JAKMIP2: variants seen among roughly 807,000 people sequenced by gnomAD.
JAKMIP2 encodes the protein janus kinase and microtubule interacting protein 2, also known as janus kinase and microtubule-interacting protein 2.
A neutral mutation model predicts 115.0 loss-of-function variants in JAKMIP2; 25 were observed. The ratio of observed to expected loss-of-function variants is 0.22; its 90% confidence interval spans 0.16 to 0.30. The LOEUF (loss-of-function observed/expected upper bound fraction) is 0.30. JAKMIP2 is among the 10% of genes least tolerant of loss of function. The pLI is 1.00. For missense variants in JAKMIP2, 642 were observed against 957.6 expected (o/e 0.67, Z 4.35); for synonymous variants, 334 against 343.6 (o/e 0.97, Z 0.31).
In JAKMIP2 at chr5:147,585,909, T is replaced by C. The variant is rs907764523; in HGVS notation, c.*5798A>G. 5.3e-5 allele frequency: 8 copies of C among 152,014 alleles called. No homozygotes were observed. Among genetic ancestry groups the C allele is most frequent in the Non-Finnish European group, 8.8e-5 (6 of 68,016 alleles). The allele number at this position is 152,014 out of a possible 1,614,324, so 9.4% of individuals were successfully genotyped here. ...ATGGAATTTTTAGCTAATAAAGATA[T>C]GGGACTTTTGGCTAATTTTAATACT... On this transcript the variant is annotated 3_prime_UTR_variant, in exon 22 of 22. Transcript: ENST00000616793.
At chr5:147,699,515 G>A (rs1200762116) in intron 1 of JAKMIP2, among the ~76,000 whole-genome samples, 1 of 152,154 alleles carries the variant, frequency 6.6e-6, no homozygotes, top group East Asian at 1.9e-4. Flanking sequence ...AGAGGCAAGT[G>A]AGGTGGGATG....
At chr5:147,683,691 AT>A (rs1245354970) in intron 1 of JAKMIP2, among the ~76,000 whole-genome samples, 1 of 152,126 alleles carries the variant, frequency 6.6e-6, no homozygotes, top group African/African-American at 2.4e-5. Flanking sequence ...AAGGTCTTGA[AT>A]TTTTTTAAAA....
At chr5:147,639,574 C>T (rs1416149599) in intron 10 of JAKMIP2, 58 bp downstream of exon 10, 2 of 1,551,468 alleles carry the variant, frequency 1.3e-6, no homozygotes, top group Non-Finnish European at 1.7e-6. Flanking sequence ...GTCCACAGTG[C>T]TTTTATGCTG....
chr5:147,588,596 A>T lies in JAKMIP2; in HGVS notation c.*3111T>A, dbSNP rs1173373755. 1 of 152,096 alleles carries T rather than the reference A, an allele frequency of 6.6e-6. No individual in the cohort carries two copies. The highest frequency in any genetic ancestry group is 2.4e-5 in the African/African-American group (1 of 41,420). The allele number at this position is 152,096 out of a possible 1,614,324, so 9.4% of individuals were successfully genotyped here. On this transcript the variant is annotated 3_prime_UTR_variant, in exon 22 of 22. Coordinates refer to ENST00000616793, the MANE Select transcript of JAKMIP2 (RefSeq NM_001270941.2). ...TGAAATATTTATACTTTATTCAAGG[A>T]TATATTCATTTTGAGGCTCATGAGC... is the stretch of plus-strand genomic sequence containing the variant.
At chr5:147,629,618 C>T (rs1189066376) in intron 15 of JAKMIP2, 75 bp downstream of exon 15, 1 of 995,102 alleles carries the variant, frequency 1.0e-6, no homozygotes, top group East Asian at 2.4e-5. Flanking sequence ...TTACTTTACA[C>T]ATGATGCATT....
At chr5:147,782,023 C>T (rs1028105627) in intron 1 of JAKMIP2, among the ~76,000 whole-genome samples, 2 of 152,120 alleles carry the variant, frequency 1.3e-5, no homozygotes, top group African/African-American at 2.4e-5. Flanking sequence ...ATAAGCAAAA[C>T]CACCTTATAA....
At chr5:147,685,610 G>A (rs1284164101) in intron 1 of JAKMIP2, among the ~76,000 whole-genome samples, 3 of 152,060 alleles carry the variant, frequency 2.0e-5, no homozygotes, top group African/African-American at 2.4e-5. Flanking sequence ...TCATATTTGA[G>A]GGAAAGCAGT....
At chr5:147,625,793 A>G (rs1248367996) in intron 16 of JAKMIP2, among the ~76,000 whole-genome samples, 1 of 152,206 alleles carries the variant, frequency 6.6e-6, no homozygotes, top group African/African-American at 2.4e-5. Flanking sequence ...CGGTGGATAC[A>G]CTAACAGCCA....
At chr5:147,614,606 T>C (rs1756483261) in intron 19 of JAKMIP2, among the ~76,000 whole-genome samples, 1 of 152,188 alleles carries the variant, frequency 6.6e-6, no homozygotes, top group Admixed American at 6.5e-5. Context: ...ACTCCATCAA[T>C]AGCAGCCATT....
chr5:147,636,016 C>CA (rs1757599531), intron 12 of JAKMIP2, among the ~76,000 whole-genome samples: 1 of 152,148 alleles, frequency 6.6e-6, no homozygotes, highest in Non-Finnish European at 1.5e-5. Context: ...GCACAATGCC[C>CA]AGCGCAGAGC....
chr5:147,650,703 A>G (rs1758353375), intron 3 of JAKMIP2, among the ~76,000 whole-genome samples, 156 bp from the exon 4 acceptor site: 1 of 152,184 alleles, frequency 6.6e-6, no homozygotes, highest in Non-Finnish European at 1.5e-5. Flanking sequence ...ATGAGGCAAC[A>G]TTGTGTAATG....
intron 16 of JAKMIP2, among the ~76,000 whole-genome samples, chr5:147,626,312 C>T (rs1757093189): frequency 6.6e-6 from 1 of 152,166 alleles, no homozygotes; most frequent in Non-Finnish European, 1.5e-5. Flanking sequence ...AGTCATCACC[C>T]TGTATTTGTT....
intron 1 of JAKMIP2, among the ~76,000 whole-genome samples, chr5:147,778,308 T>C (rs1755638535): frequency 6.6e-6 from 1 of 152,148 alleles, no homozygotes; most frequent in Admixed American, 6.5e-5. Flanking sequence ...TGCTTTGTTT[T>C]TGTTTTTTGT....
At chr5:147,750,550 G>A (rs1754509717) in intron 1 of JAKMIP2, among the ~76,000 whole-genome samples, 1 of 123,312 alleles carries the variant, frequency 8.1e-6, no homozygotes. Flanking sequence ...ATCACTCATG[G>A]TGCCAGAAAA....
intron 17 of JAKMIP2, among the ~76,000 whole-genome samples, chr5:147,623,305 A>G (rs1246809631): frequency 2.7e-5 from 4 of 149,848 alleles, no homozygotes; most frequent in Non-Finnish European, 4.4e-5. Flanking sequence ...TACACCCTCC[A>G]TTTCTGTAAT....
chr5:147,625,020 A>C (rs1270797359), intron 16 of JAKMIP2, among the ~76,000 whole-genome samples: 3 of 152,020 alleles, frequency 2.0e-5, no homozygotes, highest in African/African-American at 7.3e-5. Flanking sequence ...TCACTCTGTC[A>C]CCCAGGCTGG....
chr5:147,600,409 G>T (rs10052305), intron 21 of JAKMIP2, among the ~76,000 whole-genome samples: 142,902 of 152,162 alleles, frequency 0.94, 67,615 homozygotes, highest in Non-Finnish European at 1. Context: ...TTACTTGTCT[G>T]TTCCATATCC....
At chr5:147,764,962 GA>G (rs1561582680) in intron 1 of JAKMIP2, among the ~76,000 whole-genome samples, 1 of 72,180 alleles carries the variant, frequency 1.4e-5, no homozygotes, top group African/African-American at 7.3e-5. Context: ...GAGAGAGAGA[GA>G]GAGGGGGAGA....
At chr5:147,672,872 T>C (rs369412876) in intron 1 of JAKMIP2, among the ~76,000 whole-genome samples, 2 of 152,168 alleles carry the variant, frequency 1.3e-5, no homozygotes, top group East Asian at 3.9e-4. Flanking sequence ...CCTGATTAAT[T>C]ACACCCCTAA....
Sources: allele counts gnomAD v4.1 joint callset (sites outside exome capture counted in the v4.1 genomes callset), GRCh38; gene constraint gnomAD v4.1.1; transcripts MANE v1.5; gene names NCBI Gene and HGNC (gene_info 2026-07-23, HGNC 2026-07-21).